Variants in DPYD observed in about 807,000 individuals in gnomAD.
The protein encoded by DPYD is dihydropyrimidine dehydrogenase.
DPYD carries 109 observed loss-of-function variants against 116.2 expected under a neutral mutation model. That is an observed-to-expected ratio of 0.94 (90% CI 0.80 to 1.10). The LOEUF is 1.10. DPYD is among the 50% of genes least tolerant of loss of function. DPYD has a pLI of 0.00. For missense variants in DPYD, 1,302 were observed against 1,254.5 expected, an observed-to-expected ratio of 1.04 and a Z score of -0.57; for synonymous variants, 440 against 432.0, an observed-to-expected ratio of 1.02 and a Z score of -0.23.
chr1:97,421,077 A>G (rs1432548760), intron 14 of DPYD, among the ~76,000 whole-genome samples: 1 of 152,078 alleles, frequency 6.6e-6, no homozygotes. Flanking sequence ...TACGGCCTAT[A>G]TATTATCTTA....
chr1:97,420,335 C>A (rs1016116218), intron 14 of DPYD, among the ~76,000 whole-genome samples: 2 of 152,168 alleles, frequency 1.3e-5, no homozygotes, highest in East Asian at 1.9e-4. Context: ...GAGAACACTT[C>A]GTAATTTTCT....
chr1:97,701,944 T>C (rs1661621775), intron 5 of DPYD, among the ~76,000 whole-genome samples: 1 of 151,750 alleles, frequency 6.6e-6, no homozygotes, highest in Non-Finnish European at 1.5e-5. Context: ...TGTTAACTAA[T>C]GAGTTTAAAT....
At chr1:97,527,392 C>A (rs1649227994) in intron 12 of DPYD, among the ~76,000 whole-genome samples, 1 of 152,026 alleles carries the variant, frequency 6.6e-6, no homozygotes, top group African/African-American at 2.4e-5. Flanking sequence ...CCCCATCTTA[C>A]ATAAACATGA....
chr1:97,514,332 A>G, intron 13 of DPYD: 1 of 789,810 alleles, frequency 1.3e-6, no homozygotes, highest in South Asian at 5.8e-5. Context: ...CATCAAATTC[A>G]AAGCAGCAAA....
rs201960764 is a variant in DPYD at position 97,529,668 on chromosome 1, TTC to T, written c.1525-13729_1525-13728del. ...TACTTTATCCCTTCCTTTTTTTCTT[TTC>T]TCTTTCTCTTTTCTTTTCTTTCTTT... is the stretch of plus-strand genomic sequence containing the variant. On this transcript the variant is annotated intron_variant, in intron 12 of 22. Transcript: ENST00000370192. Among the ~76,000 whole-genome samples, 1,242 of 149,878 alleles carry T rather than the reference TTC, an allele frequency of 8.3e-3. 8 individuals carry two copies. The highest frequency in any genetic ancestry group is 1.0e-2 in the Non-Finnish European group (669 of 67,030).
At chr1:97,435,051 G>C (rs1675396514) in intron 14 of DPYD, among the ~76,000 whole-genome samples, 1 of 151,894 alleles carries the variant, frequency 6.6e-6, no homozygotes, top group African/African-American at 2.4e-5. Context: ...GTCAATTCTT[G>C]TTTCTTCTAC....
At chr1:97,258,625 C>T (rs1001643536) in intron 18 of DPYD, among the ~76,000 whole-genome samples, 1 of 152,122 alleles carries the variant, frequency 6.6e-6, no homozygotes, top group African/African-American at 2.4e-5. Context: ...TTTGTAAGAA[C>T]TCAAACTAAG....
intron 13 of DPYD, among the ~76,000 whole-genome samples, chr1:97,512,619 A>G (rs1647889311): frequency 1.3e-5 from 2 of 151,926 alleles, no homozygotes; most frequent in South Asian, 4.1e-4. Flanking sequence ...TCCTATCAAT[A>G]TAATGTGAAC....
At chr1:97,399,355 T>C (rs897101413) in intron 14 of DPYD, among the ~76,000 whole-genome samples, 1 of 152,280 alleles carries the variant, frequency 6.6e-6, no homozygotes, top group Non-Finnish European at 1.5e-5. Context: ...TGTAGCCTAG[T>C]AGTATAGTTT....
At chr1:97,913,887 G>A (rs939919493) in intron 1 of DPYD, among the ~76,000 whole-genome samples, 4 of 151,918 alleles carry the variant, frequency 2.6e-5, no homozygotes, top group East Asian at 3.9e-4. Context: ...ATCCATGATC[G>A]CCTCCTATAT....
chr1:97,083,050 A>G (rs1171987393), intron 21 of DPYD, among the ~76,000 whole-genome samples: 2 of 152,142 alleles, frequency 1.3e-5, no homozygotes, highest in African/African-American at 2.4e-5. Context: ...GGTTGATCCA[A>G]TAATTAAGTC....
At chr1:97,364,585 T>C (rs1489900468) in intron 16 of DPYD, among the ~76,000 whole-genome samples, 2 of 152,226 alleles carry the variant, frequency 1.3e-5, no homozygotes, top group African/African-American at 4.8e-5. Flanking sequence ...ATACTTAAAG[T>C]GCTTTTGGTG....
chr1:97,328,101 C>T (rs1323488566), intron 16 of DPYD, among the ~76,000 whole-genome samples: 16 of 152,108 alleles, frequency 1.1e-4, no homozygotes, highest in Non-Finnish European at 2.9e-5. Flanking sequence ...TTCAAATCTC[C>T]TCTGTCCTCT....
At chr1:97,095,990 A>T (rs1650219448) in intron 21 of DPYD, 1 of 152,186 alleles carries the variant, frequency 6.6e-6, no homozygotes, top group Non-Finnish European at 1.5e-5. Flanking sequence ...GATGCTGGTA[A>T]GATGGTATCT....
At chr1:97,347,174 C>T (rs1669899990) in intron 16 of DPYD, among the ~76,000 whole-genome samples, 1 of 151,830 alleles carries the variant, frequency 6.6e-6, no homozygotes, top group Non-Finnish European at 1.5e-5. Context: ...AATATGCTAA[C>T]AGCAGGCACC....
intron 18 of DPYD, among the ~76,000 whole-genome samples, chr1:97,258,137 A>AG (rs1663631385): frequency 6.6e-6 from 1 of 152,124 alleles, no homozygotes; most frequent in Non-Finnish European, 1.5e-5. Flanking sequence ...GAAGGAGACA[A>AG]GGCTAGATGG....
At chr1:97,481,857 ACTCTCT>A (rs146484864) in intron 13 of DPYD, among the ~76,000 whole-genome samples, 1 of 149,418 alleles carries the variant, frequency 6.7e-6, no homozygotes, top group South Asian at 2.1e-4. Context: ...TATAATCTCT[ACTCTCT>A]CTCTCTCTCT....
intron 5 of DPYD, among the ~76,000 whole-genome samples, chr1:97,708,140 A>AT (rs1237389557): frequency 3.9e-5 from 6 of 151,992 alleles, no homozygotes; most frequent in African/African-American, 1.4e-4. Context: ...CCAGCTCAGA[A>AT]TTTTTTATAT....
intron 8 of DPYD, among the ~76,000 whole-genome samples, chr1:97,598,394 T>C (rs1655019615): frequency 6.6e-6 from 1 of 152,190 alleles, no homozygotes; most frequent in African/African-American, 2.4e-5. Context: ...AAAGAGAGTT[T>C]ATGAATAAAG....
Sources: gnomAD v4.1 joint callset for allele counts (sites outside exome capture counted in the v4.1 genomes callset) on GRCh38, gnomAD v4.1.1 for gene constraint, MANE v1.5 for transcripts, NCBI Gene and HGNC (gene_info 2026-07-23, HGNC 2026-07-21) for gene names.